NTRK2: variants seen among roughly 807,000 people sequenced by gnomAD.
The protein encoded by NTRK2 is neurotrophic receptor tyrosine kinase 2, also known as BDNF/NT-3 growth factors receptor.
A neutral mutation model predicts 94.5 loss-of-function variants in NTRK2; 13 were observed. The ratio of observed to expected loss-of-function variants is 0.14; its 90% CI spans 0.09 to 0.22. The LOEUF is 0.22. Among genes scored for constraint, NTRK2 ranks in the 10% least tolerant of loss-of-function variants. The pLI, the probability that NTRK2 is intolerant of heterozygous loss-of-function variation, is 1.00. For missense variants in NTRK2, 639 were observed against 1,071.2 expected (o/e 0.60, Z 5.63); for synonymous variants, 372 against 407.4 (o/e 0.91, Z 1.05).
intron 9 of NTRK2, among the ~76,000 whole-genome samples, chr9:84,732,118 A>T (rs2062932717): frequency 6.6e-6 from 1 of 152,232 alleles, no homozygotes; most frequent in African/African-American, 2.4e-5. Context: ...TTTCAGCTTC[A>T]AAATGAAATC....
chr9:84,675,485 T>C (rs72737650), intron 2 of NTRK2, among the ~76,000 whole-genome samples: 6,882 of 152,134 alleles, frequency 0.045, 225 homozygotes, highest in South Asian at 0.11. Context: ...ACCACTTCTC[T>C]AGAGAGTTTC....
Position 85,023,718 on chromosome 9 carries a change from C to T in NTRK2, c.*2281C>T, listed in dbSNP as rs1832898686. 1 of 231,588 alleles carries T rather than the reference C, an allele frequency of 4.3e-6. No individual in the cohort carries two copies. The highest frequency in any genetic ancestry group is 8.5e-6 in the Non-Finnish European group (1 of 117,134). 14.3% of individuals were successfully genotyped at this position (231,588 alleles called of 1,614,324 possible). On this transcript the variant is annotated 3_prime_UTR_variant, in exon 19 of 19. Coordinates refer to ENST00000277120, the MANE Select transcript of NTRK2 (RefSeq NM_006180.6). Reference sequence around the variant, plus strand: ...TTAAGGACCCATGGTACTCTTAAAACACTGTAGAACTCTGTGACGCAGTAA... The same window carrying T: ...TTAAGGACCCATGGTACTCTTAAAATACTGTAGAACTCTGTGACGCAGTAA...
chr9:84,869,045 A>G (rs1304950505), intron 14 of NTRK2, among the ~76,000 whole-genome samples: 2 of 152,240 alleles, frequency 1.3e-5, no homozygotes, highest in Non-Finnish European at 2.9e-5. Flanking sequence ...GAGAAATCGA[A>G]CAAACGAGCA....
chr9:84,791,414 T>G (rs1025969506), intron 12 of NTRK2, among the ~76,000 whole-genome samples: 3 of 152,146 alleles, frequency 2.0e-5, no homozygotes, highest in African/African-American at 7.2e-5. Flanking sequence ...TCTGTAGCAT[T>G]CTAAAGCAAG....
At chr9:84,961,788 A>G (rs1824968531) in intron 17 of NTRK2, among the ~76,000 whole-genome samples, 1 of 152,238 alleles carries the variant, frequency 6.6e-6, no homozygotes. Context: ...ATGGGAACCC[A>G]AAAGAGGAAG....
chr9:84,933,144 C>A (rs926272822), intron 14 of NTRK2, among the ~76,000 whole-genome samples: 2 of 152,176 alleles, frequency 1.3e-5, no homozygotes, highest in African/African-American at 4.8e-5. Context: ...GCATCACAAT[C>A]TCTTTTTAAT....
intron 14 of NTRK2, among the ~76,000 whole-genome samples, chr9:84,870,331 G>GTGTATATATACATATATA (rs1349303529): frequency 3.2e-5 from 1 of 31,176 alleles, no homozygotes; most frequent in Non-Finnish European, 6.8e-5. Context: ...GTGTGTGTGT[G>GTGTATATATACATATATA]TATATATATA....
At chr9:84,857,248 T>A (rs1053662477) in intron 12 of NTRK2, among the ~76,000 whole-genome samples, 1 of 152,258 alleles carries the variant, frequency 6.6e-6, no homozygotes, top group Non-Finnish European at 1.5e-5. Flanking sequence ...ATTTAATTGG[T>A]TAATTTCATA....
At chr9:85,009,173 C>A (rs1029751997) in intron 17 of NTRK2, among the ~76,000 whole-genome samples, 2 of 152,200 alleles carry the variant, frequency 1.3e-5, no homozygotes, top group Admixed American at 1.3e-4. Context: ...GGACCATAGA[C>A]TCATGAAACC....
chr9:84,823,655 G>A (rs1472558652), intron 12 of NTRK2, among the ~76,000 whole-genome samples: 1 of 152,218 alleles, frequency 6.6e-6, no homozygotes, highest in African/African-American at 2.4e-5. Context: ...ATGTTGGCGT[G>A]CAGGAATGAA....
At chr9:84,725,681 T>A (rs2062402021) in intron 8 of NTRK2, among the ~76,000 whole-genome samples, 1 of 148,728 alleles carries the variant, frequency 6.7e-6, no homozygotes, top group Admixed American at 6.7e-5. Flanking sequence ...TATATGCATA[T>A]GTATAATATA....
chr9:84,907,580 C>T (rs1222845383), intron 14 of NTRK2, among the ~76,000 whole-genome samples: 1 of 152,030 alleles, frequency 6.6e-6, no homozygotes, highest in Non-Finnish European at 1.5e-5. Context: ...TAATTCTGTT[C>T]AGGGTGGGGG....
At chr9:84,980,208 T>C (rs970642245) in intron 17 of NTRK2, among the ~76,000 whole-genome samples, 2 of 152,322 alleles carry the variant, frequency 1.3e-5, no homozygotes, top group Middle Eastern at 3.4e-3. Flanking sequence ...GTTTATATTT[T>C]TGATGGCTAA....
chr9:84,990,029 C>T (rs369940361), intron 17 of NTRK2, among the ~76,000 whole-genome samples: 3 of 152,196 alleles, frequency 2.0e-5, no homozygotes, highest in Non-Finnish European at 4.4e-5. Context: ...TTGCCTTTCA[C>T]TCCTTGCTCA....
rs1255733927 is a variant in NTRK2 at position 85,025,066 on chromosome 9, T to C, written c.*3629T>C. ...TTAAAATATGCTAAATAACCAAAAC[T>C]GTTTAACGTCATGTTGCTGTTAGTG... On this transcript the variant is annotated 3_prime_UTR_variant, in exon 19 of 19. Transcript: ENST00000277120. 8.6e-6 allele frequency: 2 copies of C among 233,038 alleles called. No homozygotes were observed. The highest frequency in any genetic ancestry group is 2.2e-5 in the African/African-American group (1 of 45,338). 14.4% of individuals were successfully genotyped at this position (233,038 alleles called of 1,614,324 possible). A position where few individuals can be genotyped will look rare whatever the true frequency, so the allele number is the denominator to read the frequency against.
intron 13 of NTRK2, among the ~76,000 whole-genome samples, chr9:84,866,520 T>C (rs1241254005): frequency 6.6e-6 from 1 of 152,150 alleles, no homozygotes; most frequent in Non-Finnish European, 1.5e-5. Flanking sequence ...GTTGACAGTT[T>C]CAATGACAGA....
intron 14 of NTRK2, chr9:84,875,055 G>GT: frequency 9.4e-7 from 1 of 1,060,136 alleles, no homozygotes; most frequent in Non-Finnish European, 1.1e-6. Context: ...AAAGTCCCAT[G>GT]TAATTCCACC....
intron 12 of NTRK2, among the ~76,000 whole-genome samples, chr9:84,794,720 G>A (rs2069099852): frequency 6.6e-6 from 1 of 152,158 alleles, no homozygotes; most frequent in Non-Finnish European, 1.5e-5. Flanking sequence ...GTCAAAGGAG[G>A]GGAAATTCTT....
At chr9:84,760,410 G>A (rs879358605) in intron 12 of NTRK2, among the ~76,000 whole-genome samples, 48 of 152,218 alleles carry the variant, frequency 3.2e-4, no homozygotes, top group Non-Finnish European at 4.1e-4. Context: ...TATTGAATCT[G>A]GAATGCAGAA....
Sources: gnomAD v4.1 joint callset for allele counts (sites outside exome capture counted in the v4.1 genomes callset) on GRCh38, gnomAD v4.1.1 for gene constraint, MANE v1.5 for transcripts, NCBI Gene and HGNC (gene_info 2026-07-23, HGNC 2026-07-21) for gene names.